The following DPYD variants were observed in gnomAD, a reference collection of about 807,000 sequenced individuals.
DPYD encodes the protein dihydropyrimidine dehydrogenase.
A neutral mutation model predicts 116.2 loss-of-function variants in DPYD; 109 were observed. The ratio of observed to expected loss-of-function variants is 0.94; its 90% CI spans 0.80 to 1.10. DPYD has a LOEUF of 1.10. Among genes scored for constraint, DPYD ranks in the 50% least tolerant of loss-of-function variants. DPYD has a pLI of 0.00. For missense variants in DPYD, 1,302 were observed against 1,254.5 expected (o/e 1.04, Z -0.57); for synonymous variants, 440 against 432.0 (o/e 1.02, Z -0.23).
chr1:97,750,569 AT>A (rs1664816818), intron 3 of DPYD, among the ~76,000 whole-genome samples: 1 of 152,184 alleles, frequency 6.6e-6, no homozygotes, highest in Admixed American at 6.5e-5. Flanking sequence ...ATCCTAAGTA[AT>A]TTTTACTTTT....
At chr1:97,458,820 C>T (rs1475344446) in intron 13 of DPYD, among the ~76,000 whole-genome samples, 1 of 152,134 alleles carries the variant, frequency 6.6e-6, no homozygotes, top group African/African-American at 2.4e-5. Flanking sequence ...GGTTCCTAGT[C>T]ATGGTGTCCT....
intron 3 of DPYD, among the ~76,000 whole-genome samples, chr1:97,757,636 C>T (rs1665321333): frequency 6.6e-6 from 1 of 152,102 alleles, no homozygotes; most frequent in African/African-American, 2.4e-5. Flanking sequence ...AATTTACCTC[C>T]CATTACTATA....
intron 8 of DPYD, among the ~76,000 whole-genome samples, chr1:97,646,810 G>T (rs1285266009): frequency 6.6e-6 from 1 of 152,010 alleles, no homozygotes; most frequent in African/African-American, 2.4e-5. Flanking sequence ...CTTTCTTGCT[G>T]CCACAGGGAT....
At chr1:97,172,805 T>C (rs1385092992) in intron 20 of DPYD, among the ~76,000 whole-genome samples, 1 of 152,156 alleles carries the variant, frequency 6.6e-6, no homozygotes, top group Non-Finnish European at 1.5e-5. Context: ...TAAATAAAAA[T>C]GTAGCAATTT....
At chr1:97,330,335 C>A (rs1668922465) in intron 16 of DPYD, among the ~76,000 whole-genome samples, 1 of 152,102 alleles carries the variant, frequency 6.6e-6, no homozygotes, top group East Asian at 1.9e-4. Flanking sequence ...TCCAAACTTG[C>A]ATAATAACTA....
At chr1:97,705,085 T>C (rs1209663553) in intron 5 of DPYD, among the ~76,000 whole-genome samples, 1 of 152,008 alleles carries the variant, frequency 6.6e-6, no homozygotes, top group South Asian at 2.1e-4. Context: ...CAGGTTCACA[T>C]ACAAAAGATT....
At chr1:97,747,609 TAA>T (rs999912713) in intron 3 of DPYD, among the ~76,000 whole-genome samples, 1 of 152,208 alleles carries the variant, frequency 6.6e-6, no homozygotes, top group Admixed American at 6.5e-5. Flanking sequence ...ATATTTAGCA[TAA>T]GTCAGTCAGA....
intron 1 of DPYD, among the ~76,000 whole-genome samples, chr1:97,901,011 T>A (rs1238510056): frequency 1.3e-5 from 2 of 151,882 alleles, no homozygotes; most frequent in East Asian, 3.9e-4. Flanking sequence ...TCGAAAAAAA[T>A]TATATTAAAA....
chr1:97,609,805 C>T (rs930336046), intron 8 of DPYD, among the ~76,000 whole-genome samples: 6 of 151,882 alleles, frequency 4.0e-5, no homozygotes, highest in Admixed American at 3.9e-4. Flanking sequence ...GTTAATATAG[C>T]TATTTTATTC....
intron 1 of DPYD, among the ~76,000 whole-genome samples, chr1:97,887,384 C>G (rs1051443293): frequency 1.4e-5 from 2 of 143,874 alleles, no homozygotes; most frequent in African/African-American, 5.2e-5. Flanking sequence ...GCAGGAGGAT[C>G]GCTTGAGCCT....
At chr1:97,346,018 A>C (rs11588048) in intron 16 of DPYD, among the ~76,000 whole-genome samples, 28,453 of 151,720 alleles carry the variant, frequency 0.19, 3,463 homozygotes, top group Non-Finnish European at 0.27. Context: ...GTAAGTTTTT[A>C]TTTCTCATTC....
intron 14 of DPYD, among the ~76,000 whole-genome samples, chr1:97,385,515 AT>A (rs34719218): frequency 0.17 from 24,576 of 142,852 alleles, 2,728 homozygotes; most frequent in Non-Finnish European, 0.25. Context: ...TTTTTAGAAA[AT>A]TTTTTTCTTA....
chr1:97,271,569 C>A (rs990602347), intron 18 of DPYD, among the ~76,000 whole-genome samples: 3 of 152,032 alleles, frequency 2.0e-5, no homozygotes, highest in African/African-American at 7.2e-5. Context: ...TAAATTCAAC[C>A]TTTTTCAAGA....
rs111919347 is a variant in DPYD at position 97,456,021 on chromosome 1, C to T, written c.1741-5798G>A. 7.6e-3 allele frequency among the ~76,000 whole-genome samples: 1,158 copies of T among 151,820 alleles called. 15 individuals carry two copies. Among genetic ancestry groups the T allele is most frequent in the African/African-American group, 0.027 (1,111 of 41,440 alleles). On this transcript the variant is annotated intron_variant, in intron 13 of 22. Transcript: ENST00000370192. ...AGATAAATTATCAGAGAAGTTGTAG[C>T]ACTGACATTGTAGAAATAATAATAT...
rs574433416 is a variant in DPYD at position 97,767,966 on chromosome 1, T to C, written c.234-27487A>G. ...CAACATACCAAGGAAATGATGAGAT[T>C]TGTCAAAGTTAATAGAAAATCCACT... On this transcript the variant is annotated intron_variant, in intron 3 of 22. Transcript: ENST00000370192. Among the ~76,000 whole-genome samples the C allele has an allele frequency of 1.1e-4, 16 of 152,240 alleles. No homozygotes were observed. In the East Asian group the frequency reaches 2.9e-3, roughly 28 times the overall value.
chr1:97,168,781 C>T (rs769513890), intron 20 of DPYD, among the ~76,000 whole-genome samples: 18 of 151,982 alleles, frequency 1.2e-4, no homozygotes, highest in Middle Eastern at 6.9e-3. Flanking sequence ...ATGAATTTAA[C>T]GTGATTAGGC....
intron 13 of DPYD, among the ~76,000 whole-genome samples, chr1:97,453,784 T>G (rs1202437733): frequency 6.6e-6 from 1 of 152,116 alleles, no homozygotes; most frequent in Non-Finnish European, 1.5e-5. Context: ...CGATGTGGTG[T>G]TAAACTGTAA....
chr1:97,563,793 T>C (rs777155574), intron 11 of DPYD, among the ~76,000 whole-genome samples: 5 of 152,162 alleles, frequency 3.3e-5, no homozygotes, highest in African/African-American at 4.8e-5. Context: ...AACACTGTTA[T>C]CAGTTTGACC....
chr1:97,549,359 C>T (rs1444991483), intron 12 of DPYD, among the ~76,000 whole-genome samples: 2 of 152,134 alleles, frequency 1.3e-5, no homozygotes, highest in Non-Finnish European at 2.9e-5. Context: ...GTGGCATGCC[C>T]GCCTGGCCCA....
Sources: gnomAD v4.1 joint callset for allele counts (sites outside exome capture counted in the v4.1 genomes callset) on GRCh38, gnomAD v4.1.1 for gene constraint, MANE v1.5 for transcripts, NCBI Gene and HGNC (gene_info 2026-07-23, HGNC 2026-07-21) for gene names.